GC: variants seen among roughly 807,000 people sequenced by gnomAD.
GC encodes the protein GC vitamin D binding protein, also known as vitamin D-binding protein.
GC carries 43 observed loss-of-function variants against 56.7 expected under a neutral mutation model. That is an observed-to-expected ratio of 0.76 (90% confidence interval 0.59 to 0.98). GC has a LOEUF of 0.98. Ranked by LOEUF, GC falls within the 50% of genes least tolerant of loss-of-function variation. The pLI, the probability that GC is intolerant of heterozygous loss-of-function variation, is 0.00. For synonymous variants in GC, 216 were observed against 202.7 expected (o/e 1.07, Z -0.56); for missense variants, 529 against 545.9 (o/e 0.97, Z 0.31).
intron 12 of GC, among the ~76,000 whole-genome samples, chr4:71,745,436 G>A (rs532878460): frequency 7.2e-4 from 109 of 152,228 alleles, no homozygotes; most frequent in Middle Eastern, 6.8e-3. Context: ...ATTTTGGGCA[G>A]AGTTGTCAGT....
chr4:71,748,212 C>T (rs1452407488), intron 11 of GC, among the ~76,000 whole-genome samples: 1 of 152,110 alleles, frequency 6.6e-6, no homozygotes, highest in Admixed American at 6.6e-5. Context: ...TTCTGCTTAA[C>T]AAATAGCAAT....
At chr4:71,769,087 AT>A (rs995047969) in intron 2 of GC, among the ~76,000 whole-genome samples, 5 of 152,188 alleles carry the variant, frequency 3.3e-5, no homozygotes, top group African/African-American at 4.8e-5. Flanking sequence ...TTTACGTATT[AT>A]CTTTGAACTC....
At chr4:71,763,548 G>T in intron 5 of GC, 46 bp from the exon 6 acceptor site, 1 of 1,158,276 alleles carries the variant, frequency 8.6e-7, no homozygotes, top group Non-Finnish European at 1.3e-6. Flanking sequence ...AAGACTCATT[G>T]AATACTGTAT....
At chr4:71,799,641 G>T (rs912576475) in intron 1 of GC, among the ~76,000 whole-genome samples, 1 of 152,174 alleles carries the variant, frequency 6.6e-6, no homozygotes, top group African/African-American at 2.4e-5. Flanking sequence ...AGAGAAGCAT[G>T]ACATTGTGCC....
At chr4:71,762,590 T>C (rs1742015581) in intron 6 of GC, among the ~76,000 whole-genome samples, 1 of 152,172 alleles carries the variant, frequency 6.6e-6, no homozygotes, top group African/African-American at 2.4e-5. Flanking sequence ...CACACAAATC[T>C]CATCTTGAAT....
intron 1 of GC, among the ~76,000 whole-genome samples, chr4:71,796,678 G>A (rs995126214): frequency 6.6e-6 from 1 of 152,176 alleles, no homozygotes; most frequent in Non-Finnish European, 1.5e-5. Flanking sequence ...GTTCGTCAAA[G>A]TCATTCTCCA....
chr4:71,743,161 T>G (rs990878328), intron 12 of GC, among the ~76,000 whole-genome samples: 3 of 152,176 alleles, frequency 2.0e-5, no homozygotes, highest in Admixed American at 6.5e-5. Flanking sequence ...GTGAAACTGT[T>G]GACTGGAAGA....
chr4:71,765,616 C>G lies in GC; in HGVS notation c.289G>C (p.Glu97Gln), dbSNP rs759884777. 1.9e-6 allele frequency: 3 copies of G among 1,613,184 alleles called. No individual in the cohort carries two copies. The South Asian group carries it at 3.3e-5, about 18-fold the overall frequency. Residue 97 changes from glutamate to glutamine, a missense_variant, in exon 4 of 13, where the codon GAA (glutamate) becomes CAA (glutamine). Glu to Gln is a conservative substitution (Grantham distance 29). Coordinates refer to ENST00000273951, the MANE Select transcript of GC (RefSeq NM_000583.4). Reference sequence around the variant, plus strand: ...TGAACGGGGAATGGAGAATTACTTTCACAGGACTTGGCAGACAGTGCTGAG... The same window carrying G: ...TGAACGGGGAATGGAGAATTACTTTGACAGGACTTGGCAGACAGTGCTGAG... ...RTSALSAKSC[E>Q]SNSPFPVHPG...
intron 11 of GC, among the ~76,000 whole-genome samples, chr4:71,748,068 A>G (rs922383810): frequency 3.3e-5 from 5 of 152,192 alleles, no homozygotes; most frequent in African/African-American, 7.2e-5. Context: ...GAATAAATTT[A>G]GATTTTTCTA....
At position 71,754,504 on chromosome 4, in the gene GC, G is replaced by A. The variant is rs1423820813; in HGVS notation, c.1169C>T (p.Pro390Leu). Residue 390 changes from proline (P) to leucine (L), a missense_variant, in exon 10 of 13, where the codon CCT becomes CTT. Physicochemically the swap from Pro to Leu is moderately conservative, Grantham distance 98. Transcript: ENST00000273951. The part of the protein sequence containing the change: ...DSTTCFNAKG[P>L]LLKKELSSFI... ...AGAAGATAGTTCCTTCTTTAGTAGA[G>A]GGCCCTGTAAGAAAACAATAATTGC... 1.3e-6 allele frequency: 2 copies of A among 1,505,822 alleles called. No individual in the cohort carries two copies. Among genetic ancestry groups the A allele is most frequent in the African/African-American group, 1.4e-5 (1 of 72,650 alleles). The allele number at this position is 1,505,822 out of a possible 1,614,324, so 93.3% of individuals were successfully genotyped here. A position where few individuals can be genotyped will look rare whatever the true frequency, so the allele number is the denominator to read the frequency against.
chr4:71,751,612 G>A (rs376976389), intron 11 of GC, among the ~76,000 whole-genome samples: 2 of 152,080 alleles, frequency 1.3e-5, no homozygotes, highest in African/African-American at 4.8e-5. Context: ...TAGGGGAAGG[G>A]GTTATTTTAC....
chr4:71,767,758 A>G (rs1742202312), intron 3 of GC, among the ~76,000 whole-genome samples: 1 of 151,816 alleles, frequency 6.6e-6, no homozygotes, highest in African/African-American at 2.4e-5. Flanking sequence ...TGGTGTACCT[A>G]TCACCGGAGC....
At chr4:71,742,818 C>CA (rs1378676752) in intron 12 of GC, among the ~76,000 whole-genome samples, 28 of 152,062 alleles carry the variant, frequency 1.8e-4, no homozygotes, top group Admixed American at 1.8e-3. Context: ...ACTAAAAATA[C>CA]AAAAAATTAG....
chr4:71,802,487 G>A (rs183073753), intron 1 of GC, among the ~76,000 whole-genome samples: 8 of 152,230 alleles, frequency 5.3e-5, no homozygotes, highest in South Asian at 2.1e-4. Context: ...AAAAATTAAC[G>A]CATACAATAC....
At chr4:71,797,436 C>T (rs1027179564) in intron 1 of GC, among the ~76,000 whole-genome samples, 1 of 152,256 alleles carries the variant, frequency 6.6e-6, no homozygotes, top group South Asian at 2.1e-4. Flanking sequence ...CCTCGCAGTT[C>T]AATCTCAGAC....
chr4:71,792,171 G>T (rs893977558), intron 1 of GC, among the ~76,000 whole-genome samples: 1 of 152,182 alleles, frequency 6.6e-6, no homozygotes, highest in African/African-American at 2.4e-5. Context: ...AATCCTTTGG[G>T]TATATACCCA....
At chr4:71,753,211 C>G (rs1024685196) in intron 10 of GC, among the ~76,000 whole-genome samples, 2 of 152,116 alleles carry the variant, frequency 1.3e-5, no homozygotes, top group African/African-American at 4.8e-5. Context: ...CTGATTCTTT[C>G]AATTTGTACA....
upstream of GC, among the ~76,000 whole-genome samples, chr4:71,787,189 A>G (rs115574583): frequency 3.0e-3 from 462 of 152,030 alleles, 2 homozygotes; most frequent in African/African-American, 0.011. Context: ...CAAAAATGCA[A>G]ATAAGACTGT....
At chr4:71,779,346 G>A (rs930148288) in intron 1 of GC, among the ~76,000 whole-genome samples, 2 of 151,862 alleles carry the variant, frequency 1.3e-5, no homozygotes, top group Non-Finnish European at 2.9e-5. Context: ...GGACTGGTAG[G>A]TGTTATTTGT....
Sources: allele counts gnomAD v4.1 joint callset (sites outside exome capture counted in the v4.1 genomes callset), GRCh38; gene constraint gnomAD v4.1.1; transcripts MANE v1.5; gene names NCBI Gene and HGNC (gene_info 2026-07-23, HGNC 2026-07-21).